MINDY2: variants seen among roughly 807,000 people sequenced by gnomAD.
MINDY2 encodes ubiquitin carboxyl-terminal hydrolase MINDY-2.
Under a neutral mutation model 68.2 loss-of-function variants are expected in MINDY2, and 52 were observed. The ratio of observed to expected loss-of-function variants is 0.76; its 90% CI spans 0.61 to 0.96. The LOEUF is 0.96. MINDY2 is among the 40% of genes least tolerant of loss of function. MINDY2 has a pLI of 0.00. For synonymous variants in MINDY2, 372 were observed against 303.0 expected (o/e 1.23, Z -2.36); for missense variants, 881 against 773.4 (o/e 1.14, Z -1.65).
At chr15:58,809,487 G>GA (rs1457788560) in intron 3 of MINDY2, among the ~76,000 whole-genome samples, 1 of 152,004 alleles carries the variant, frequency 6.6e-6, no homozygotes, top group Non-Finnish European at 1.5e-5. Context: ...TTGTAACTAA[G>GA]AATAGATAAA....
rs756929862 is a variant in MINDY2 at position 58,771,608 on chromosome 15, C to T, written c.213C>T (p.Gly71=). ...RSLPDSASPA[G]SPEVPGPCSS... Reference sequence around the variant, plus strand: ...TCCCGGACTCGGCTTCTCCCGCGGGCTCTCCTGAGGTTCCCGGACCCTGCA... The same window carrying T: ...TCCCGGACTCGGCTTCTCCCGCGGGTTCTCCTGAGGTTCCCGGACCCTGCA... Residue 71 remains glycine (G), a synonymous_variant, in exon 1 of 9, where the codon GGC becomes GGT. Transcript: ENST00000559228. The T allele has an allele frequency of 5.6e-6, 9 of 1,611,964 alleles. No homozygotes were observed. Among genetic ancestry groups the T allele is most frequent in the Non-Finnish European group, 7.6e-6 (9 of 1,179,776 alleles).
At chr15:58,841,596 A>T (rs2032290044) in intron 6 of MINDY2, among the ~76,000 whole-genome samples, 1 of 151,498 alleles carries the variant, frequency 6.6e-6, no homozygotes, top group Admixed American at 6.6e-5. Flanking sequence ...GTAGAGACAC[A>T]GTTTCACCAT....
chr15:58,798,658 C>T (rs1902443287), intron 2 of MINDY2, among the ~76,000 whole-genome samples: 1 of 151,938 alleles, frequency 6.6e-6, no homozygotes, highest in African/African-American at 2.4e-5. Flanking sequence ...GTTTCATCAT[C>T]TTGGCCAGGC....
chr15:58,852,937 T>TGTTTG (rs2032898559), intron 8 of MINDY2, among the ~76,000 whole-genome samples: 1 of 28,734 alleles, frequency 3.5e-5, no homozygotes, highest in African/African-American at 1.1e-4. Context: ...TTTTTTTTTT[T>TGTTTG]TTTTTTTTTT....
At chr15:58,778,336 C>G (rs533022995) in intron 1 of MINDY2, among the ~76,000 whole-genome samples, 19 of 152,138 alleles carry the variant, frequency 1.2e-4, no homozygotes, top group African/African-American at 4.6e-4. Flanking sequence ...GTAGGGAATT[C>G]TTTTCCCAAT....
intron 4 of MINDY2, among the ~76,000 whole-genome samples, chr15:58,816,417 G>C (rs1292480923): frequency 1.3e-5 from 2 of 152,016 alleles, no homozygotes; most frequent in Admixed American, 6.6e-5. Flanking sequence ...TTGTTTGCTT[G>C]TTTGTTTTTT....
chr15:58,847,508 C>T lies in MINDY2; in HGVS notation c.1542+38C>T, dbSNP rs372138465. 4.8e-6 allele frequency: 7 copies of T among 1,453,460 alleles called. No individual in the cohort carries two copies. In the African/African-American group the frequency reaches 9.8e-5, roughly 20 times the overall value. 90.0% of individuals were successfully genotyped at this position (1,453,460 alleles called of 1,614,324 possible). On this transcript the variant is annotated intron_variant, in intron 7 of 8. Coordinates refer to ENST00000559228, the MANE Select transcript of MINDY2 (RefSeq NM_001040450.3). Reference sequence around the variant, plus strand: ...TGTCGTCTTTATAGTGGTTAAAATGCTGATTTTTTTCAAATGTGAATTCAT... The same window carrying T: ...TGTCGTCTTTATAGTGGTTAAAATGTTGATTTTTTTCAAATGTGAATTCAT...
rs2033224479 is a variant in MINDY2, at chr15:58,861,775, A to G, written c.*7165A>G. The G allele has an allele frequency of 6.6e-6, 1 of 152,196 alleles. No individual in the cohort carries two copies. The highest frequency in any genetic ancestry group is 2.4e-5 in the African/African-American group (1 of 41,454). 9.4% of individuals were successfully genotyped at this position (152,196 alleles called of 1,614,324 possible). A position where few individuals can be genotyped will look rare whatever the true frequency, so the allele number is the denominator to read the frequency against. On this transcript the variant is annotated 3_prime_UTR_variant, in exon 9 of 9. Transcript: ENST00000559228. Reference sequence around the variant, plus strand: ...GTTATTGTACCACAAAGATAGTGTCATTGTTGGGTTAAAATGTTGGCTGTT... The same window carrying G: ...GTTATTGTACCACAAAGATAGTGTCGTTGTTGGGTTAAAATGTTGGCTGTT...
At chr15:58,800,175 G>A (rs1342447238) in intron 2 of MINDY2, among the ~76,000 whole-genome samples, 1 of 152,122 alleles carries the variant, frequency 6.6e-6, no homozygotes, top group East Asian at 1.9e-4. Context: ...TTGGCCTAAA[G>A]TAGCTATCAA....
intron 4 of MINDY2, among the ~76,000 whole-genome samples, chr15:58,815,992 T>C (rs2030661632): frequency 6.6e-6 from 1 of 152,226 alleles, no homozygotes. Flanking sequence ...GGCTATTATT[T>C]CTTTACCTGG....
At chr15:58,840,386 G>A (rs140887489) in intron 6 of MINDY2, among the ~76,000 whole-genome samples, 2 of 152,104 alleles carry the variant, frequency 1.3e-5, no homozygotes, top group African/African-American at 4.8e-5. Flanking sequence ...AAATACCTCT[G>A]TGTTTCTTTC....
chr15:58,827,346 T>C (rs1288311597), intron 5 of MINDY2, among the ~76,000 whole-genome samples: 2 of 152,212 alleles, frequency 1.3e-5, no homozygotes, highest in Non-Finnish European at 2.9e-5. Flanking sequence ...GTGGTGGTTA[T>C]AATTTCTGTT....
chr15:58,809,097 A>C (rs2030035664), intron 3 of MINDY2, among the ~76,000 whole-genome samples: 1 of 152,174 alleles, frequency 6.6e-6, no homozygotes, highest in Non-Finnish European at 1.5e-5. Flanking sequence ...CTGTAGCCCC[A>C]GCTACATGGG....
At chr15:58,808,259 T>C (rs974414204) in intron 3 of MINDY2, among the ~76,000 whole-genome samples, 6 of 152,192 alleles carry the variant, frequency 3.9e-5, no homozygotes, top group African/African-American at 1.2e-4. Flanking sequence ...TCTTTCTTGG[T>C]TCTGTATATT....
intron 3 of MINDY2, among the ~76,000 whole-genome samples, chr15:58,808,853 C>T (rs1236979869): frequency 6.6e-6 from 1 of 152,216 alleles, no homozygotes; most frequent in Admixed American, 6.5e-5. Context: ...ATCCACCCGC[C>T]TCAGCCTCCC....
chr15:58,798,881 G>T (rs1254525239), intron 2 of MINDY2, among the ~76,000 whole-genome samples: 1 of 152,172 alleles, frequency 6.6e-6, no homozygotes, highest in Non-Finnish European at 1.5e-5. Flanking sequence ...TTCTTGGAAA[G>T]AGTAATAAAA....
chr15:58,815,556 C>T (rs1389544391), intron 4 of MINDY2: 1 of 152,354 alleles, frequency 6.6e-6, no homozygotes, highest in Non-Finnish European at 1.5e-5. Flanking sequence ...ACCATGTTGC[C>T]CAGGCTGGTC....
rs375711457 is a variant in MINDY2 at position 58,833,922 on chromosome 15, G to A, written c.1368+2006G>A. Reference sequence around the variant, plus strand: ...GACGGTCAGGTCTTTCCCTTCCCACGAGGCCATATTTCAGACTATCACATG... The same window carrying A: ...GACGGTCAGGTCTTTCCCTTCCCACAAGGCCATATTTCAGACTATCACATG... On this transcript the variant is annotated intron_variant, in intron 6 of 8. Transcript: ENST00000559228. Among the ~76,000 whole-genome samples the A allele has an allele frequency of 8.7e-4, 132 of 152,094 alleles. 1 individual carries two copies. In the East Asian group the frequency reaches 0.017, roughly 19 times the overall value.
At chr15:58,787,593 C>A (rs1457530513) in intron 1 of MINDY2, among the ~76,000 whole-genome samples, 1 of 151,728 alleles carries the variant, frequency 6.6e-6, no homozygotes, top group East Asian at 1.9e-4. Context: ...AACAATTAGC[C>A]AGGTGTGGTG....
Sources: gnomAD v4.1 joint callset for allele counts (sites outside exome capture counted in the v4.1 genomes callset) on GRCh38, gnomAD v4.1.1 for gene constraint, MANE v1.5 for transcripts, NCBI Gene and HGNC (gene_info 2026-07-23, HGNC 2026-07-21) for gene names.